TDRD10: variants seen among roughly 807,000 people sequenced by gnomAD.
TDRD10 encodes tudor domain-containing protein 10.
In TDRD10, 40 loss-of-function variants were observed where a neutral mutation model predicts 48.0. The ratio of observed to expected loss-of-function variants is 0.83; its 90% CI spans 0.65 to 1.09. The LOEUF is 1.09. TDRD10 is among the 50% of genes least tolerant of loss of function. The pLI, the probability that TDRD10 is intolerant of heterozygous loss-of-function variation, is 0.00. For missense variants in TDRD10, 378 were observed against 434.7 expected, an observed-to-expected ratio of 0.87 and a Z score of 1.16; for synonymous variants, 162 against 170.4, an observed-to-expected ratio of 0.95 and a Z score of 0.38.
At chr1:154,525,709 C>T (rs760078024) in intron 6 of TDRD10, among the ~76,000 whole-genome samples, 1 of 152,136 alleles carries the variant, frequency 6.6e-6, no homozygotes, top group Non-Finnish European at 1.5e-5. Context: ...GCCTAGCCAA[C>T]ATGGCGAAAC....
intron 4 of TDRD10, among the ~76,000 whole-genome samples, chr1:154,516,072 C>T (rs570899282): frequency 9.2e-5 from 14 of 152,322 alleles, no homozygotes; most frequent in Admixed American, 7.2e-4. Context: ...ATGAGCCCAG[C>T]AGGGCTCTGC....
chr1:154,528,868 T>C (rs1017054703), intron 6 of TDRD10, among the ~76,000 whole-genome samples: 6 of 152,186 alleles, frequency 3.9e-5, no homozygotes, highest in Non-Finnish European at 8.8e-5. Flanking sequence ...TTTACAGTGT[T>C]AAGTGCATCT....
At chr1:154,509,170 A>G (rs1388272626) in intron 4 of TDRD10, among the ~76,000 whole-genome samples, 1 of 150,722 alleles carries the variant, frequency 6.6e-6, no homozygotes, top group South Asian at 2.1e-4. Flanking sequence ...AAGATAAACA[A>G]CCTAGTCCTT....
At chr1:154,524,818 C>T (rs1694228781) in intron 6 of TDRD10, among the ~76,000 whole-genome samples, 1 of 152,176 alleles carries the variant, frequency 6.6e-6, no homozygotes, top group Non-Finnish European at 1.5e-5. Flanking sequence ...GCCCTCTCCC[C>T]CACCTTCACA....
chr1:154,509,181 G>T (rs1205128785), intron 4 of TDRD10, among the ~76,000 whole-genome samples: 3 of 140,454 alleles, frequency 2.1e-5, no homozygotes, highest in African/African-American at 7.9e-5. Flanking sequence ...CCTAGTCCTT[G>T]CCCTCAAGGA....
intron 6 of TDRD10, among the ~76,000 whole-genome samples, chr1:154,536,370 C>T (rs1463484273): frequency 5.3e-5 from 8 of 152,168 alleles, no homozygotes; most frequent in Middle Eastern, 3.2e-3. Flanking sequence ...GAGCGAAACT[C>T]CATCTTAACA....
rs1695474136 is a variant in TDRD10 at position 154,545,037 on chromosome 1, T to C, written c.952+88T>C. On this transcript the variant is annotated intron_variant, in intron 11 of 12. Coordinates refer to ENST00000368482, the MANE Select transcript of TDRD10 (RefSeq NM_182499.4). ...GGGACCTGAACAGGAAGCAGCATAG[T>C]GGGCGGCCAAGGTGCTTCAGTCTCT... 2.6e-6 allele frequency: 4 copies of C among 1,529,218 alleles called. No homozygotes were observed. The South Asian group carries it at 3.7e-5, about 14-fold the overall frequency. The allele number at this position is 1,529,218 out of a possible 1,614,324, so 94.7% of individuals were successfully genotyped here. A position where few individuals can be genotyped will look rare whatever the true frequency, so the allele number is the denominator to read the frequency against.
intron 5 of TDRD10, among the ~76,000 whole-genome samples, chr1:154,521,088 C>T (rs762689320): frequency 1.1e-4 from 17 of 152,274 alleles, no homozygotes; most frequent in Middle Eastern, 3.4e-3. Context: ...CATAGACATA[C>T]GATGCATAGT....
chr1:154,524,706 G>A (rs1694222253), intron 6 of TDRD10, among the ~76,000 whole-genome samples: 1 of 152,118 alleles, frequency 6.6e-6, no homozygotes, highest in Admixed American at 6.6e-5. Context: ...TAGGGTCTCA[G>A]GTGAGTGCTC....
At chr1:154,534,614 T>C (rs748915073) in intron 6 of TDRD10, 2 of 152,262 alleles carry the variant, frequency 1.3e-5, no homozygotes, top group African/African-American at 2.4e-5. Context: ...GGTCAGTCGT[T>C]GTTGTTATTG....
chr1:154,530,927 G>A (rs950006497), intron 6 of TDRD10, among the ~76,000 whole-genome samples: 4 of 150,878 alleles, frequency 2.7e-5, no homozygotes, highest in East Asian at 3.9e-4. Flanking sequence ...GCATTGGCAC[G>A]GTCTTGGCTC....
chr1:154,509,509 A>C (rs1352998544), intron 4 of TDRD10, among the ~76,000 whole-genome samples: 2 of 152,174 alleles, frequency 1.3e-5, no homozygotes, highest in African/African-American at 2.4e-5. Context: ...CTAAGTACAC[A>C]GACCTAGTGA....
intron 8 of TDRD10, among the ~76,000 whole-genome samples, 186 bp from the exon 9 acceptor site, chr1:154,543,777 G>A (rs964293336): frequency 1.3e-5 from 2 of 151,986 alleles, no homozygotes; most frequent in Non-Finnish European, 2.9e-5. Context: ...TTCCTCTGCC[G>A]TGGACTGGGA....
At chr1:154,537,705 TGGATGGATGGTCCCACCTCCA>T (rs1338235428) in intron 6 of TDRD10, among the ~76,000 whole-genome samples, 3 of 152,192 alleles carry the variant, frequency 2.0e-5, no homozygotes, top group Non-Finnish European at 4.4e-5. Flanking sequence ...TGGAGGGGAC[TGGATGGATGGTCCCACCTCCA>T]AGCCTTCTGG....
chr1:154,507,234 T>C lies in TDRD10; in HGVS notation c.3-7T>C, dbSNP rs1693196376. On this transcript the variant is annotated splice_region_variant and splice_polypyrimidine_tract_variant and intron_variant, in intron 2 of 12. Coordinates refer to ENST00000368482, the MANE Select transcript of TDRD10 (RefSeq NM_182499.4). ...GGAGGTTCGATGCTGACACCTGTGT[T>C]TGACAGGTCCTGGAACATTAGTCAC... 1.2e-6 allele frequency: 2 copies of C among 1,613,960 alleles called. No individual in the cohort carries two copies. The highest frequency in any genetic ancestry group is 4.5e-5 in the East Asian group (2 of 44,870).
chr1:154,504,261 C>A, intron 1 of TDRD10, among the ~76,000 whole-genome samples: 1 of 152,204 alleles, frequency 6.6e-6, no homozygotes, highest in East Asian at 1.9e-4. Context: ...GCACTTTATT[C>A]ATTCATCAGT....
intron 6 of TDRD10, among the ~76,000 whole-genome samples, chr1:154,524,364 G>A (rs1006938486): frequency 2.6e-5 from 4 of 151,918 alleles, no homozygotes; most frequent in Admixed American, 6.6e-5. Context: ...ATGGGGTTTC[G>A]CCATGTTGCC....
At chr1:154,531,774 C>T (rs1322593563) in intron 6 of TDRD10, among the ~76,000 whole-genome samples, 1 of 152,176 alleles carries the variant, frequency 6.6e-6, no homozygotes, top group African/African-American at 2.4e-5. Context: ...CACCCACATC[C>T]TGCTGATTGG....
rs890180682 is a variant in TDRD10, at chr1:154,542,742, C to T, written c.424C>T (p.Leu142Phe). The T allele has an allele frequency of 6.2e-7, 1 of 1,613,628 alleles. No individual in the cohort carries two copies. The highest frequency in any genetic ancestry group is 8.5e-7 in the Non-Finnish European group (1 of 1,179,704). The stretch of plus-strand genomic sequence containing the variant: ...CTTCTGCTTTCTAGCTATTATACAG[C>T]TCGCTCCTAAAGCTCCTGTTGACCT... ...GFGKTAAIIQLAPKAPVDLCE... is the reference protein window; with the variant it reads ...GFGKTAAIIQFAPKAPVDLCE... Residue 142 changes from leucine to phenylalanine, a missense_variant, in exon 8 of 13, where the codon CTC becomes TTC. Transcript: ENST00000368482.
Sources: gnomAD v4.1 joint callset for allele counts (sites outside exome capture counted in the v4.1 genomes callset) on GRCh38, gnomAD v4.1.1 for gene constraint, MANE v1.5 for transcripts, NCBI Gene and HGNC (gene_info 2026-07-23, HGNC 2026-07-21) for gene names.